TUBE1: variants seen among roughly 807,000 people sequenced by gnomAD.
TUBE1 encodes the protein tubulin epsilon 1, also known as tubulin epsilon chain.
A neutral mutation model predicts 53.5 loss-of-function variants in TUBE1; 34 were observed. The ratio of observed to expected loss-of-function variants is 0.64; its 90% confidence interval spans 0.48 to 0.85. TUBE1 has a LOEUF of 0.85. Ranked by LOEUF, TUBE1 falls within the 40% of genes least tolerant of loss-of-function variation. TUBE1 has a pLI of 0.00. For missense variants in TUBE1, 532 were observed against 570.5 expected (o/e 0.93, Z 0.69); for synonymous variants, 177 against 198.4 (o/e 0.89, Z 0.91).
At chr6:112,081,904 A>T (rs587755358) in intron 4 of TUBE1, among the ~76,000 whole-genome samples, 1 of 152,188 alleles carries the variant, frequency 6.6e-6, no homozygotes, top group African/African-American at 2.4e-5. Context: ...CACTTCCCTT[A>T]CTTTCCATAT....
chr6:112,079,525 T>C (rs1777034228), intron 6 of TUBE1, 108 bp downstream of exon 6: 2 of 1,110,738 alleles, frequency 1.8e-6, no homozygotes, highest in Non-Finnish European at 2.6e-6. Flanking sequence ...ACCCTCCGAA[T>C]AGTTCTATCT....
chr6:112,085,516 A>G lies in TUBE1; in HGVS notation c.152+1040T>C, dbSNP rs587631820. 560 of 366,124 alleles carry G rather than the reference A, an allele frequency of 1.5e-3. 4 individuals are homozygous for G. The highest frequency in any genetic ancestry group is 6.6e-3 in the Middle Eastern group (7 of 1,064). The allele number at this position is 366,124 out of a possible 1,614,324, so 22.7% of individuals were successfully genotyped here. Reference sequence around the variant, plus strand: ...GTGGGTGTAGGAACTTAGCAAGAGAAGCGCCGGAAAGGAAGTATGACAGAA... The same window carrying G: ...GTGGGTGTAGGAACTTAGCAAGAGAGGCGCCGGAAAGGAAGTATGACAGAA... On this transcript the variant is annotated intron_variant, in intron 3 of 11. Transcript: ENST00000368662.
At chr6:112,083,967 A>G in intron 4 of TUBE1, 1 of 511,552 alleles carries the variant, frequency 2.0e-6, no homozygotes, top group Non-Finnish European at 3.5e-6. Flanking sequence ...TCTAGACACT[A>G]TTTCTCCTGA....
chr6:112,076,686 C>T (rs1554316144), intron 6 of TUBE1, 177 bp from the exon 7 acceptor site: 2 of 465,302 alleles, frequency 4.3e-6, no homozygotes, highest in African/African-American at 4.0e-5. Flanking sequence ...CCTCCTGCCT[C>T]AGCCTCCCAA....
At chr6:112,078,437 A>C (rs1384062540) in intron 6 of TUBE1, 2 of 152,096 alleles carry the variant, frequency 1.3e-5, no homozygotes, top group Non-Finnish European at 2.9e-5. Flanking sequence ...GAAAAGTTAC[A>C]GTATAGTATA....
At chr6:112,079,544 C>T (rs782434739) in intron 6 of TUBE1, 89 bp downstream of exon 6, 2 of 1,335,338 alleles carry the variant, frequency 1.5e-6, no homozygotes, top group Non-Finnish European at 2.1e-6. Flanking sequence ...CTTTATCAAG[C>T]ACAGGTCTAA....
chr6:112,081,576 C>A (rs1554316755), intron 4 of TUBE1, among the ~76,000 whole-genome samples: 1 of 152,078 alleles, frequency 6.6e-6, no homozygotes, highest in Non-Finnish European at 1.5e-5. Context: ...TAGGAACAAT[C>A]ATGCTGCTCT....
intron 9 of TUBE1, among the ~76,000 whole-genome samples, chr6:112,073,280 A>G (rs587722673): frequency 2.8e-4 from 43 of 152,240 alleles, no homozygotes; most frequent in Non-Finnish European, 4.9e-4. Context: ...ACTAAAACTA[A>G]TTAAAAGCCT....
chr6:112,079,432 A>AAAAG, intron 6 of TUBE1: 1 of 432,554 alleles, frequency 2.3e-6, no homozygotes, highest in South Asian at 9.0e-5. Flanking sequence ...AAAAAAAAAA[A>AAAAG]AAAAGAAAAG....
intron 4 of TUBE1, among the ~76,000 whole-genome samples, chr6:112,082,591 C>T (rs1413157032): frequency 5.3e-5 from 8 of 152,200 alleles, no homozygotes; most frequent in African/African-American, 1.9e-4. Context: ...GTCCTAGTCA[C>T]TTAACATTAA....
At chr6:112,077,302 A>G (rs1776987679) in intron 6 of TUBE1, 1 of 152,228 alleles carries the variant, frequency 6.6e-6, no homozygotes, top group South Asian at 2.1e-4. Context: ...CTTATTTAAA[A>G]GCAGAAACTC....
At chr6:112,085,335 G>T (rs587714413) in intron 3 of TUBE1, 5 of 161,258 alleles carry the variant, frequency 3.1e-5, no homozygotes, top group African/African-American at 1.2e-4. Flanking sequence ...CAAACTTACC[G>T]GGAAAATAAT....
chr6:112,086,839 A>AG, intron 2 of TUBE1: 1 of 510,112 alleles, frequency 2.0e-6, no homozygotes, highest in Non-Finnish European at 3.4e-6. Context: ...TTTCACCCAT[A>AG]GGACTGTAGG....
intron 6 of TUBE1, chr6:112,078,319 A>G (rs587738249): frequency 6.6e-6 from 1 of 152,184 alleles, no homozygotes; most frequent in African/African-American, 2.4e-5. Context: ...TAAAAACTAA[A>G]CACCATAAAC....
At position 112,076,121 on chromosome 6, in the gene TUBE1, G is replaced by A. The variant is rs782628515; in HGVS notation, c.637-9C>T. The A allele has an allele frequency of 6.2e-7, 1 of 1,605,190 alleles. No homozygotes were observed. The highest frequency in any genetic ancestry group is 1.1e-5 in the South Asian group (1 of 89,880). ...ATGATGTCAAATAAAGACTTTTGAG[G>A]GAAAAACATTGGGAGAGAAGCTATT... On this transcript the variant is annotated splice_polypyrimidine_tract_variant and intron_variant, in intron 7 of 11. Transcript: ENST00000368662.
At chr6:112,071,818 T>C (rs1370123539) in intron 11 of TUBE1, 84 bp downstream of exon 11, 3 of 1,331,542 alleles carry the variant, frequency 2.3e-6, no homozygotes, top group East Asian at 4.8e-5. Flanking sequence ...ACATCACCCC[T>C]GATTTGTAAT....
At chr6:112,072,994 A>G in intron 9 of TUBE1, 96 bp from the exon 10 acceptor site, 1 of 995,574 alleles carries the variant, frequency 1.0e-6, no homozygotes, top group Admixed American at 2.5e-5. Flanking sequence ...AAGAAACCAC[A>G]CTAAATATTA....
At chr6:112,086,211 T>C (rs1382720482) in intron 3 of TUBE1, among the ~76,000 whole-genome samples, 1 of 152,246 alleles carries the variant, frequency 6.6e-6, no homozygotes, top group Non-Finnish European at 1.5e-5. Flanking sequence ...TTTTTAAGTA[T>C]ATTTTTATAC....
chr6:112,087,359 G>A (rs1179662762), intron 1 of TUBE1, 51 bp downstream of exon 1: 1 of 1,551,144 alleles, frequency 6.4e-7, no homozygotes, highest in Non-Finnish European at 8.7e-7. Context: ...CAGGAAACAT[G>A]GCCGCTGGAT....
Sources: allele counts gnomAD v4.1 joint callset (sites outside exome capture counted in the v4.1 genomes callset), GRCh38; gene constraint gnomAD v4.1.1; transcripts MANE v1.5; gene names NCBI Gene and HGNC (gene_info 2026-07-23, HGNC 2026-07-21).